MAP4K4: variants seen among roughly 807,000 people sequenced by gnomAD.
The protein encoded by MAP4K4 is mitogen-activated protein kinase kinase kinase kinase 4, also known as HPK/GCK-like kinase HGK.
Under a neutral mutation model 189.6 loss-of-function variants are expected in MAP4K4, and 38 were observed. That is an observed-to-expected ratio of 0.20 (90% CI 0.15 to 0.26). The LOEUF (loss-of-function observed/expected upper bound fraction) is 0.26. Ranked by LOEUF, MAP4K4 falls within the 10% of genes least tolerant of loss-of-function variation. The probability of loss-of-function intolerance (pLI) is 1.00; values close to 1 mark genes in which losing one functional copy is unlikely to be tolerated. For missense variants in MAP4K4, 1,054 were observed against 1,726.9 expected (o/e 0.61, Z 6.91); for synonymous variants, 610 against 624.3 (o/e 0.98, Z 0.34).
chr2:101,870,162 G>T, intron 22 of MAP4K4, 133 bp from the exon 23 acceptor site: 1 of 880,028 alleles, frequency 1.1e-6, no homozygotes. Context: ...AAGCTAAGCA[G>T]TTGCTTTTTT....
chr2:101,710,194 T>C (rs996872223), intron 2 of MAP4K4, among the ~76,000 whole-genome samples: 1 of 152,210 alleles, frequency 6.6e-6, no homozygotes, highest in African/African-American at 2.4e-5. Flanking sequence ...TGAGGTTGAG[T>C]GTGTACATTT....
At chr2:101,790,994 G>A (rs985143825) in intron 3 of MAP4K4, among the ~76,000 whole-genome samples, 1 of 152,092 alleles carries the variant, frequency 6.6e-6, no homozygotes, top group African/African-American at 2.4e-5. Flanking sequence ...CAAAACACAC[G>A]CAGTGCACAC....
chr2:101,868,748 A>G lies in MAP4K4; in HGVS notation c.2463+711A>G, dbSNP rs1432199900. On this transcript the variant is annotated intron_variant, in intron 21 of 32. Coordinates refer to ENST00000324219, the Ensembl canonical transcript of MAP4K4. Reference sequence around the variant, plus strand: ...CTCTTCATGTGTCACAGACTTGTCCATGAATGTGGCAGGTTGTGAACAGTC... The same window carrying G: ...CTCTTCATGTGTCACAGACTTGTCCGTGAATGTGGCAGGTTGTGAACAGTC... 3.3e-5 allele frequency among the ~76,000 whole-genome samples: 5 copies of G among 152,210 alleles called. 1 individual carries two copies. Among genetic ancestry groups the G allele is most frequent in the South Asian group, 4.1e-4 (2 of 4,836 alleles).
chr2:101,735,409 G>A (rs1158011364), intron 2 of MAP4K4, among the ~76,000 whole-genome samples: 1 of 152,182 alleles, frequency 6.6e-6, no homozygotes, highest in Admixed American at 6.5e-5. Flanking sequence ...CAGTGTTTGA[G>A]CAGAAGTTTT....
At chr2:101,761,627 C>T (rs763525605) in intron 2 of MAP4K4, among the ~76,000 whole-genome samples, 19 of 150,510 alleles carry the variant, frequency 1.3e-4, no homozygotes, top group Non-Finnish European at 2.1e-4. Flanking sequence ...GGCATGATCT[C>T]GGATCACTGC....
intron 3 of MAP4K4, among the ~76,000 whole-genome samples, chr2:101,815,663 G>A (rs2095668385): frequency 6.6e-6 from 1 of 152,172 alleles, no homozygotes; most frequent in East Asian, 1.9e-4. Context: ...TTTGTTCTGG[G>A]ATGAAGGTAG....
intron 3 of MAP4K4, among the ~76,000 whole-genome samples, chr2:101,799,222 G>A (rs72989340): frequency 1.1e-3 from 166 of 152,298 alleles, no homozygotes; most frequent in African/African-American, 3.7e-3. Context: ...TTCCTCATCT[G>A]TAAAATGGAA....
intron 3 of MAP4K4, among the ~76,000 whole-genome samples, chr2:101,811,370 C>CAAAAA (rs71378177): frequency 0.024 from 1,683 of 68,772 alleles, 175 homozygotes; most frequent in Middle Eastern, 0.05. Context: ...GACTGCGTCT[C>CAAAAA]AAAAAAAAAA....
At chr2:101,834,991 C>T (rs1178876958) in intron 8 of MAP4K4, among the ~76,000 whole-genome samples, 1 of 152,086 alleles carries the variant, frequency 6.6e-6, no homozygotes, top group East Asian at 1.9e-4. Context: ...GGAAAAAAAA[C>T]ACTGCATTTT....
At chr2:101,758,704 G>C (rs2074196758) in intron 2 of MAP4K4, among the ~76,000 whole-genome samples, 1 of 152,080 alleles carries the variant, frequency 6.6e-6, no homozygotes, top group Admixed American at 6.5e-5. Flanking sequence ...GTGGTCTAAA[G>C]AAAGGAAAGA....
At chr2:101,779,423 A>G (rs1241101567) in intron 2 of MAP4K4, among the ~76,000 whole-genome samples, 3 of 152,160 alleles carry the variant, frequency 2.0e-5, no homozygotes, top group Non-Finnish European at 2.9e-5. Context: ...TTACTTATTC[A>G]TGGTCTTTCA....
intron 2 of MAP4K4, among the ~76,000 whole-genome samples, chr2:101,773,279 G>C (rs575974042): frequency 1.4e-3 from 214 of 152,340 alleles, no homozygotes; most frequent in Non-Finnish European, 2.6e-3. Flanking sequence ...AGGGCAGCAA[G>C]GGGGAGGGAA....
chr2:101,823,958 A>G (rs1321455526), exon 4 of MAP4K4: 7 of 1,606,438 alleles, frequency 4.4e-6, no homozygotes, highest in Non-Finnish European at 6.0e-6. Context: ...ACTGGAGATA[A>G]ATATGCTAAA....
At chr2:101,795,049 G>A (rs868319804) in intron 3 of MAP4K4, among the ~76,000 whole-genome samples, 2 of 152,136 alleles carry the variant, frequency 1.3e-5, no homozygotes, top group African/African-American at 2.4e-5. Flanking sequence ...ATTGCCTCAC[G>A]TCAGGGAGTA....
chr2:101,751,029 G>A (rs1312206654), intron 2 of MAP4K4, among the ~76,000 whole-genome samples: 1 of 152,146 alleles, frequency 6.6e-6, no homozygotes, highest in Non-Finnish European at 1.5e-5. Context: ...ACTGATACCT[G>A]CCACTGGGAA....
At chr2:101,722,968 TCA>T (rs1184921875) in intron 2 of MAP4K4, among the ~76,000 whole-genome samples, 1 of 152,172 alleles carries the variant, frequency 6.6e-6, no homozygotes, top group African/African-American at 2.4e-5. Context: ...TTGAATTGAC[TCA>T]CAGTTCCACA....
At chr2:101,765,364 T>C (rs2078180172) in intron 2 of MAP4K4, among the ~76,000 whole-genome samples, 1 of 152,196 alleles carries the variant, frequency 6.6e-6, no homozygotes, top group Non-Finnish European at 1.5e-5. Flanking sequence ...TGTTTGTGTG[T>C]TTGTTTTGAG....
At chr2:101,712,055 T>A (rs779063747) in intron 2 of MAP4K4, among the ~76,000 whole-genome samples, 2 of 151,808 alleles carry the variant, frequency 1.3e-5, no homozygotes, top group Non-Finnish European at 2.9e-5. Flanking sequence ...TTTTATAGGT[T>A]GCTTTAGGTT....
chr2:101,842,745 G>A, intron 11 of MAP4K4, 64 bp downstream of exon 11: 1 of 1,311,962 alleles, frequency 7.6e-7, no homozygotes, highest in Non-Finnish European at 1.1e-6. Flanking sequence ...TGTTGTGCCA[G>A]GACTGCAGAA....
Sources: allele counts gnomAD v4.1 joint callset (sites outside exome capture counted in the v4.1 genomes callset), GRCh38; gene constraint gnomAD v4.1.1; transcripts MANE v1.5; gene names NCBI Gene and HGNC (gene_info 2026-07-23, HGNC 2026-07-21).